Variants in MCPH1 observed in about 807,000 individuals in gnomAD.
The protein encoded by MCPH1 is microcephalin.
MCPH1 carries 104 observed loss-of-function variants against 84.5 expected under a neutral mutation model. That is an observed-to-expected ratio of 1.23 (90% CI 1.05 to 1.45). MCPH1 has a LOEUF of 1.45. Ranked by LOEUF, MCPH1 falls within the 40% of genes most tolerant of loss-of-function variation. MCPH1 has a pLI of 0.00. For synonymous variants in MCPH1, 514 were observed against 366.8 expected (o/e 1.40, Z -4.58); for missense variants, 1,498 against 1,005.7 (o/e 1.49, Z -6.62).
intron 12 of MCPH1, among the ~76,000 whole-genome samples, chr8:6,542,927 C>A (rs2515487): frequency 0.19 from 29,142 of 152,156 alleles, 3,059 homozygotes; most frequent in East Asian, 0.28. Context: ...AGACATTTTC[C>A]AGGCAAACTA....
At position 6,618,763 on chromosome 8, in the gene MCPH1, T is replaced by A. The variant is rs528387844; in HGVS notation, c.2215-2691T>A. 4 of 152,228 alleles carry A rather than the reference T, an allele frequency of 2.6e-5. No homozygotes were observed. The East Asian group carries it at 7.7e-4, about 29-fold the overall frequency. The allele number at this position is 152,228 out of a possible 1,614,324, so 9.4% of individuals were successfully genotyped here. A position where few individuals can be genotyped will look rare whatever the true frequency, so the allele number is the denominator to read the frequency against. On this transcript the variant is annotated intron_variant, in intron 12 of 13. Transcript: ENST00000344683. ...TAGAAACAAAAACTTAACAAAAAAG[T>A]CACTTAAAGAATTTAGGGGTCTTTT...
chr8:6,485,069 G>T (rs1450718618), intron 11 of MCPH1, among the ~76,000 whole-genome samples: 7 of 152,194 alleles, frequency 4.6e-5, no homozygotes, highest in Admixed American at 4.6e-4. Context: ...GCTCATGCCT[G>T]TAATCCCAGC....
chr8:6,628,263 G>A (rs1251418287), intron 13 of MCPH1, among the ~76,000 whole-genome samples: 1 of 152,042 alleles, frequency 6.6e-6, no homozygotes, highest in Non-Finnish European at 1.5e-5. Flanking sequence ...GAGGTCAGGA[G>A]ATCGAGACCA....
At chr8:6,441,631 G>A (rs374617227) in intron 6 of MCPH1, among the ~76,000 whole-genome samples, 1 of 152,126 alleles carries the variant, frequency 6.6e-6, no homozygotes, top group Admixed American at 6.5e-5. Flanking sequence ...TTCTTTGTTG[G>A]GGGCACTGCC....
At chr8:6,623,106 G>C (rs1051594644) in intron 13 of MCPH1, among the ~76,000 whole-genome samples, 3 of 149,136 alleles carry the variant, frequency 2.0e-5, no homozygotes, top group African/African-American at 7.5e-5. Flanking sequence ...TCCTGCTTTG[G>C]CTTCCCAAAG....
intron 8 of MCPH1, among the ~76,000 whole-genome samples, chr8:6,454,065 C>G (rs1047373871): frequency 3.9e-5 from 6 of 152,180 alleles, no homozygotes; most frequent in Non-Finnish European, 8.8e-5. Context: ...ACCTTAGACT[C>G]TCCAAACTTA....
intron 12 of MCPH1, among the ~76,000 whole-genome samples, chr8:6,570,659 A>C (rs1826578246): frequency 6.6e-6 from 1 of 152,202 alleles, no homozygotes. Context: ...ATAGGAGAAA[A>C]ATCTTCATTG....
At chr8:6,531,571 C>G (rs563550658) in intron 12 of MCPH1, among the ~76,000 whole-genome samples, 1 of 152,160 alleles carries the variant, frequency 6.6e-6, no homozygotes, top group Non-Finnish European at 1.5e-5. Flanking sequence ...GAATTACAGG[C>G]GTGAGCTACT....
At position 6,406,665 on chromosome 8, in the gene MCPH1, G is replaced by C; in HGVS notation, c.-3G>C. 1 of 1,612,226 alleles carries C rather than the reference G, an allele frequency of 6.2e-7. No homozygotes were observed. The highest frequency in any genetic ancestry group is 1.1e-5 in the South Asian group (1 of 90,894). On this transcript the variant is annotated 5_prime_UTR_variant, in exon 1 of 14. Coordinates refer to ENST00000344683, the MANE Select transcript of MCPH1 (RefSeq NM_024596.5). ...GCCAGCTGGCCGGATCCCGCCGTCTGTCATGGCGGCCCCCATCCTGAAAGG... is the reference window on the plus strand; with the variant it reads ...GCCAGCTGGCCGGATCCCGCCGTCTCTCATGGCGGCCCCCATCCTGAAAGG...
intron 11 of MCPH1, among the ~76,000 whole-genome samples, chr8:6,489,183 A>T (rs2440417): frequency 0.96 from 146,615 of 152,232 alleles, 70,839 homozygotes; most frequent in East Asian, 1. Context: ...TATATGTACA[A>T]ATATTCAGAG....
At chr8:6,563,973 A>G (rs1473722801) in intron 12 of MCPH1, among the ~76,000 whole-genome samples, 1 of 138,898 alleles carries the variant, frequency 7.2e-6, no homozygotes, top group East Asian at 2.2e-4. Context: ...AGAGGAATAC[A>G]AACTTTTTTT....
At chr8:6,418,771 G>A (rs1049340621) in intron 3 of MCPH1, among the ~76,000 whole-genome samples, 6 of 152,034 alleles carry the variant, frequency 3.9e-5, no homozygotes, top group Non-Finnish European at 8.8e-5. Context: ...TAGTGGACAC[G>A]GGGTTTCACC....
intron 13 of MCPH1, chr8:6,627,230 G>A: frequency 4.1e-6 from 4 of 985,420 alleles, no homozygotes; most frequent in Non-Finnish European, 4.8e-6. Flanking sequence ...AGATATGTGA[G>A]GCTTGATCAG....
At position 6,513,645 on chromosome 8, in the gene MCPH1, A is replaced by AT. The variant is rs775178682; in HGVS notation, c.2214+13722dup. 5.5e-5 allele frequency: 87 copies of AT among 1,582,524 alleles called. No homozygotes were observed. The African/African-American group carries it at 9.7e-4, about 18-fold the overall frequency. On this transcript the variant is annotated intron_variant, in intron 12 of 13. Transcript: ENST00000344683. ...ACCGTGCCCGGCCACAAATCTTTTA[A>AT]TTTTTTCTTTCAATTACCATGAACT...
chr8:6,625,951 T>C, intron 13 of MCPH1: 1 of 985,120 alleles, frequency 1.0e-6, no homozygotes, highest in South Asian at 4.7e-5. Context: ...TCTTTATTAT[T>C]ATTAGTATTC....
chr8:6,633,584 G>A (rs926210121), intron 13 of MCPH1, among the ~76,000 whole-genome samples: 9 of 152,066 alleles, frequency 5.9e-5, no homozygotes, highest in African/African-American at 7.2e-5. Context: ...ACAGGTGCAC[G>A]ACACAGTTGA....
At chr8:6,471,264 A>G (rs1807681146) in intron 9 of MCPH1, among the ~76,000 whole-genome samples, 1 of 152,222 alleles carries the variant, frequency 6.6e-6, no homozygotes. Context: ...ATTTCTGAGT[A>G]AGTGAATATC....
chr8:6,436,221 T>G, intron 5 of MCPH1, 59 bp downstream of exon 5: 1 of 1,559,584 alleles, frequency 6.4e-7, no homozygotes, highest in Non-Finnish European at 8.8e-7. Flanking sequence ...TTGTTTAATT[T>G]GCATGATGAC....
At chr8:6,522,458 T>G (rs1817541938) in intron 12 of MCPH1, among the ~76,000 whole-genome samples, 1 of 151,854 alleles carries the variant, frequency 6.6e-6, no homozygotes, top group South Asian at 2.1e-4. Context: ...TATTCCCATT[T>G]CCAATGAGGA....
Sources: allele counts gnomAD v4.1 joint callset (sites outside exome capture counted in the v4.1 genomes callset), GRCh38; gene constraint gnomAD v4.1.1; transcripts MANE v1.5; gene names NCBI Gene and HGNC (gene_info 2026-07-23, HGNC 2026-07-21).